TBC1D5: variants seen among roughly 807,000 people sequenced by gnomAD.
TBC1D5 encodes the protein TBC1 domain family member 5, also known as TBC1 domain family, member 5.
Under a neutral mutation model 100.3 loss-of-function variants are expected in TBC1D5, and 75 were observed. That is an observed-to-expected ratio of 0.75 (90% CI 0.62 to 0.91). TBC1D5 has a LOEUF of 0.91. Ranked by LOEUF, TBC1D5 falls within the 40% of genes least tolerant of loss-of-function variation. The probability of loss-of-function intolerance (pLI) is 0.00; values close to 1 mark genes in which losing one functional copy is unlikely to be tolerated. For synonymous variants in TBC1D5, 323 were observed against 325.6 expected, an observed-to-expected ratio of 0.99 and a Z score of 0.09; for missense variants, 910 against 942.4, an observed-to-expected ratio of 0.97 and a Z score of 0.45.
chr3:17,470,490 T>C (rs2150114603), intron 3 of TBC1D5, among the ~76,000 whole-genome samples: 1 of 152,350 alleles, frequency 6.6e-6, no homozygotes, highest in Middle Eastern at 3.4e-3. Flanking sequence ...TGATGCAGTA[T>C]ATCTATATTT....
chr3:17,262,430 T>C (rs1008124416), intron 15 of TBC1D5, among the ~76,000 whole-genome samples: 25 of 152,102 alleles, frequency 1.6e-4, no homozygotes, highest in African/African-American at 5.6e-4. Context: ...TTTAAACTCA[T>C]TTTGACACAG....
chr3:17,478,558 T>C (rs1420320661), intron 3 of TBC1D5, among the ~76,000 whole-genome samples: 1 of 152,252 alleles, frequency 6.6e-6, no homozygotes, highest in Non-Finnish European at 1.5e-5. Flanking sequence ...GTTCTTTTAA[T>C]GCTATCATGA....
intron 2 of TBC1D5, among the ~76,000 whole-genome samples, chr3:17,535,189 T>C (rs141238830): frequency 3.3e-5 from 5 of 152,300 alleles, no homozygotes; most frequent in African/African-American, 1.2e-4. Flanking sequence ...CAGATACGAT[T>C]TTCAGGGTTG....
intron 13 of TBC1D5, among the ~76,000 whole-genome samples, chr3:17,325,966 G>A (rs1031511972): frequency 1.5e-4 from 23 of 152,094 alleles, no homozygotes; most frequent in African/African-American, 4.6e-4. Context: ...AGAATTTTTC[G>A]AAAAACCTAT....
At chr3:17,593,900 T>C (rs1287144963) in intron 2 of TBC1D5, among the ~76,000 whole-genome samples, 3 of 152,158 alleles carry the variant, frequency 2.0e-5, no homozygotes, top group African/African-American at 4.8e-5. Context: ...GCGTCTAATA[T>C]ATGGTACTGT....
At chr3:17,648,717 C>T (rs111453693) in intron 1 of TBC1D5, among the ~76,000 whole-genome samples, 6 of 152,044 alleles carry the variant, frequency 3.9e-5, no homozygotes, top group African/African-American at 9.7e-5. Context: ...GGCCAACAAG[C>T]GTATGAAAAA....
At chr3:17,433,383 G>C (rs1385925073) in intron 3 of TBC1D5, among the ~76,000 whole-genome samples, 1 of 152,166 alleles carries the variant, frequency 6.6e-6, no homozygotes. Flanking sequence ...GAAGGCCTCA[G>C]GAAACTTACA....
chr3:17,394,143 T>C (rs894311159), intron 8 of TBC1D5, among the ~76,000 whole-genome samples: 1 of 152,066 alleles, frequency 6.6e-6, no homozygotes, highest in Non-Finnish European at 1.5e-5. Context: ...ACTCCCAAGG[T>C]TGAGAAACAC....
At position 17,364,378 on chromosome 3, in the gene TBC1D5, C is replaced by A. The variant is rs2091965814; in HGVS notation, c.995+7697G>T. Among the ~76,000 whole-genome samples the A allele has an allele frequency of 2.0e-5, 3 of 152,138 alleles. No homozygotes were observed. In the South Asian group the frequency reaches 6.2e-4, roughly 32 times the overall value. On this transcript the variant is annotated intron_variant, in intron 13 of 21. Coordinates refer to ENST00000253692, the Ensembl canonical transcript of TBC1D5. Reference sequence around the variant, plus strand: ...ACATGCCAGGTTCAGTTTAGGGAGGCATTTGAGATATATTAATGAATAAGA... The same window carrying A: ...ACATGCCAGGTTCAGTTTAGGGAGGAATTTGAGATATATTAATGAATAAGA...
At chr3:17,324,022 T>C (rs1023927864) in intron 13 of TBC1D5, among the ~76,000 whole-genome samples, 2 of 152,206 alleles carry the variant, frequency 1.3e-5, no homozygotes, top group Non-Finnish European at 2.9e-5. Flanking sequence ...AGACAAACAT[T>C]TATGGTCAAT....
chr3:17,476,214 A>T (rs991572070), intron 3 of TBC1D5, among the ~76,000 whole-genome samples: 20 of 151,648 alleles, frequency 1.3e-4, no homozygotes, highest in South Asian at 4.1e-4. Context: ...CTATATATAT[A>T]TTTTTTCCTT....
chr3:17,560,713 G>A (rs56160184), intron 2 of TBC1D5, among the ~76,000 whole-genome samples: 2,689 of 151,770 alleles, frequency 0.018, 73 homozygotes, highest in African/African-American at 0.059. Flanking sequence ...ATGAGGTCAG[G>A]AGTTCAAGAC....
chr3:17,356,769 G>A (rs1310932569), intron 13 of TBC1D5, among the ~76,000 whole-genome samples: 2 of 152,148 alleles, frequency 1.3e-5, no homozygotes, highest in East Asian at 3.9e-4. Context: ...GGATCAGTCA[G>A]GTAGCTATGG....
intron 3 of TBC1D5, among the ~76,000 whole-genome samples, chr3:17,434,586 T>A (rs1239989455): frequency 6.6e-6 from 1 of 152,122 alleles, no homozygotes; most frequent in Non-Finnish European, 1.5e-5. Flanking sequence ...ATTCCTGAGG[T>A]CTTTATAATT....
intron 3 of TBC1D5, among the ~76,000 whole-genome samples, chr3:17,471,577 A>AAGTTGATATCCAGTACAT (rs1553772826): frequency 1.4e-5 from 2 of 142,588 alleles, no homozygotes; most frequent in African/African-American, 5.7e-5. Flanking sequence ...CAAAATAGGC[A>AAGTTGATATCCAGTACAT]GGAGAATGGC....
chr3:17,385,407 A>G (rs1257476592), intron 8 of TBC1D5, among the ~76,000 whole-genome samples: 5 of 152,036 alleles, frequency 3.3e-5, no homozygotes, highest in Non-Finnish European at 7.4e-5. Flanking sequence ...TAAGAGCAGT[A>G]GTGGCTGTTT....
chr3:17,674,793 G>A (rs1042194685), intron 1 of TBC1D5, among the ~76,000 whole-genome samples: 4 of 152,090 alleles, frequency 2.6e-5, no homozygotes, highest in Non-Finnish European at 4.4e-5. Context: ...GGGAGATGAA[G>A]TGATAGAGAT....
chr3:17,432,368 T>C (rs1489956337), intron 3 of TBC1D5, among the ~76,000 whole-genome samples: 1 of 152,228 alleles, frequency 6.6e-6, no homozygotes, highest in Non-Finnish European at 1.5e-5. Flanking sequence ...TTTAAAAATC[T>C]ATGAATAAAG....
rs767669561 is a variant in TBC1D5 at position 17,376,627 on chromosome 3, G to A, written c.613-14C>T. 1 of 1,607,010 alleles carries A rather than the reference G, an allele frequency of 6.2e-7. No individual in the cohort carries two copies. Among genetic ancestry groups the A allele is most frequent in the Non-Finnish European group, 8.5e-7 (1 of 1,176,908 alleles). ...TTCGTGCATGCCCTGAAATAAAAGAGCCAGAAAAATGAAAGAGATGGATAC... is the reference window on the plus strand; with the variant it reads ...TTCGTGCATGCCCTGAAATAAAAGAACCAGAAAAATGAAAGAGATGGATAC... On this transcript the variant is annotated splice_polypyrimidine_tract_variant and intron_variant, in intron 9 of 21. Transcript: ENST00000253692.
Sources: gnomAD v4.1 joint callset for allele counts (sites outside exome capture counted in the v4.1 genomes callset) on GRCh38, gnomAD v4.1.1 for gene constraint, MANE v1.5 for transcripts, NCBI Gene and HGNC (gene_info 2026-07-23, HGNC 2026-07-21) for gene names.